The following CNKSR2 variants were observed in gnomAD, a reference collection of about 807,000 sequenced individuals.
CNKSR2 encodes the protein connector enhancer of kinase suppressor of Ras 2.
In CNKSR2, 14 loss-of-function variants were observed where a neutral mutation model predicts 84.4. The ratio of observed to expected loss-of-function variants is 0.17; its 90% CI spans 0.11 to 0.26. CNKSR2 has a LOEUF of 0.26. Among genes scored for constraint, CNKSR2 ranks in the 10% least tolerant of loss-of-function variants. The pLI is 1.00. For missense variants in CNKSR2, 485 were observed against 771.2 expected (o/e 0.63, Z 4.40); for synonymous variants, 275 against 277.9 (o/e 0.99, Z 0.10).
chrX:21,480,865 A>G (rs976611807), intron 5 of CNKSR2, among the ~76,000 whole-genome samples: 1 of 111,963 alleles, frequency 8.9e-6, no homozygotes, highest in African/African-American at 3.2e-5. Flanking sequence ...TATTATCTCA[A>G]TGTTGGGCTC....
intron 1 of CNKSR2, among the ~76,000 whole-genome samples, chrX:21,382,045 T>C (rs1193083920): frequency 8.9e-6 from 1 of 111,766 alleles, no homozygotes; most frequent in East Asian, 2.8e-4. Flanking sequence ...TGGTATGAAA[T>C]AGGCACTTAG....
At chrX:21,444,101 TGAGAA>T (rs2090820662) in intron 4 of CNKSR2, among the ~76,000 whole-genome samples, 1 of 111,473 alleles carries the variant, frequency 9.0e-6, no homozygotes, top group Non-Finnish European at 1.9e-5. Context: ...GGTAAATACT[TGAGAA>T]GATAAGAGTT....
intron 3 of CNKSR2, among the ~76,000 whole-genome samples, chrX:21,435,639 G>A (rs938705465): frequency 2.7e-5 from 3 of 111,756 alleles, no homozygotes; most frequent in African/African-American, 9.7e-5. Context: ...TTACTTGTCT[G>A]TTTTTAACCT....
chrX:21,454,709 CAG>C (rs1462805187), intron 4 of CNKSR2, among the ~76,000 whole-genome samples: 2 of 112,139 alleles, frequency 1.8e-5, no homozygotes, highest in African/African-American at 3.2e-5. Flanking sequence ...CACTGTATAA[CAG>C]AGTGGATCTT....
chrX:21,629,918 T>G (rs911120122), intron 20 of CNKSR2, among the ~76,000 whole-genome samples: 3 of 112,658 alleles, frequency 2.7e-5, no homozygotes, highest in African/African-American at 9.7e-5. Flanking sequence ...TATTTTAACT[T>G]GCTATTTCCA....
chrX:21,375,080 G>A, intron 1 of CNKSR2, 119 bp downstream of exon 1: 1 of 613,145 alleles, frequency 1.6e-6, no homozygotes, highest in Non-Finnish European at 2.8e-6. Flanking sequence ...GCGGATCGTC[G>A]TACGCGTCGG....
chrX:21,513,835 A>G (rs1276916986), intron 8 of CNKSR2, among the ~76,000 whole-genome samples: 1 of 112,223 alleles, frequency 8.9e-6, no homozygotes, highest in East Asian at 2.8e-4. Flanking sequence ...TTTTCCATCC[A>G]TAACAAACAG....
rs190432372 is a variant in CNKSR2 at position 21,469,451 on chromosome X, T to C, written c.520-1315T>C. ...GGTGAAGTTGCATTATCAAAAATTG[T>C]GTTGAACAACATTCCTTTTTTGTTA... On this transcript the variant is annotated intron_variant, in intron 4 of 21. Transcript: ENST00000379510. Among the ~76,000 whole-genome samples the C allele has an allele frequency of 2.0e-3, 224 of 112,055 alleles. 1 individual carries two copies. The highest frequency in any genetic ancestry group is 6.5e-3 in the African/African-American group (202 of 30,916).
intron 4 of CNKSR2, among the ~76,000 whole-genome samples, chrX:21,454,340 T>C (rs2147111895): frequency 8.9e-6 from 1 of 112,423 alleles, no homozygotes; most frequent in African/African-American, 3.2e-5. Context: ...GTATTGAGTA[T>C]CATGTTATTT....
chrX:21,625,900 A>ATCTCTCCC, intron 20 of CNKSR2, among the ~76,000 whole-genome samples: 1 of 111,995 alleles, frequency 8.9e-6, no homozygotes, highest in Non-Finnish European at 1.9e-5. Flanking sequence ...TGAGATTTTG[A>ATCTCTCCC]ATTAAGATGT....
At chrX:21,615,901 A>G (rs931007742) in intron 20 of CNKSR2, among the ~76,000 whole-genome samples, 1 of 111,757 alleles carries the variant, frequency 8.9e-6, no homozygotes, top group Non-Finnish European at 1.9e-5. Flanking sequence ...CTAACATATT[A>G]GCTGCGTTCT....
At chrX:21,475,792 T>A (rs769698891) in intron 5 of CNKSR2, among the ~76,000 whole-genome samples, 2 of 111,863 alleles carry the variant, frequency 1.8e-5, no homozygotes, top group South Asian at 7.6e-4. Flanking sequence ...AGGTTGATTG[T>A]CCCTTATCTG....
chrX:21,506,862 T>G (rs1328112355), intron 8 of CNKSR2: 1 of 111,276 alleles, frequency 9.0e-6, no homozygotes, highest in South Asian at 3.7e-4. Flanking sequence ...TTAGTTTCCT[T>G]ATAAGTTTAT....
intron 5 of CNKSR2, among the ~76,000 whole-genome samples, chrX:21,478,556 G>C (rs1158227959): frequency 8.9e-6 from 1 of 112,085 alleles, no homozygotes; most frequent in Non-Finnish European, 1.9e-5. Context: ...TGCATTGCAA[G>C]ATGCTTCCAT....
chrX:21,564,783 G>A (rs761182805), intron 13 of CNKSR2, among the ~76,000 whole-genome samples: 4 of 109,294 alleles, frequency 3.7e-5, no homozygotes, highest in South Asian at 7.9e-4. Context: ...AGTGTTATTA[G>A]CACTCCTAGG....
At chrX:21,642,115 T>A (rs1344281625) in intron 20 of CNKSR2, 1 of 747,071 alleles carries the variant, frequency 1.3e-6, no homozygotes, top group Non-Finnish European at 1.6e-6. Flanking sequence ...AAACTTGACG[T>A]GCTGTATTGT....
intron 8 of CNKSR2, chrX:21,506,798 T>A (rs1375371905): frequency 1.8e-5 from 2 of 111,445 alleles, no homozygotes; most frequent in Non-Finnish European, 3.8e-5. Flanking sequence ...TGATTAAACT[T>A]TATCTTTCAG....
At chrX:21,485,400 T>A (rs1270351170) in intron 5 of CNKSR2, among the ~76,000 whole-genome samples, 2 of 111,149 alleles carry the variant, frequency 1.8e-5, no homozygotes, top group Non-Finnish European at 3.8e-5. Context: ...CTGATCTTTT[T>A]CCCCTTTAAA....
intron 15 of CNKSR2, chrX:21,593,604 A>T (rs2092433908): frequency 1.8e-5 from 2 of 111,890 alleles, no homozygotes; most frequent in Admixed American, 1.9e-4. Context: ...GTTTTAGCTT[A>T]GTTGGGATAA....
Sources: allele counts gnomAD v4.1 joint callset (sites outside exome capture counted in the v4.1 genomes callset), GRCh38; gene constraint gnomAD v4.1.1; transcripts MANE v1.5; gene names NCBI Gene and HGNC (gene_info 2026-07-23, HGNC 2026-07-21).